CCM2: variants seen among roughly 807,000 people sequenced by gnomAD.
CCM2 encodes the protein CCM2 scaffold protein.
CCM2 carries 25 observed loss-of-function variants against 44.9 expected under a neutral mutation model. That is an observed-to-expected ratio of 0.56 (90% confidence interval 0.41 to 0.78). The LOEUF is 0.78. Among genes scored for constraint, CCM2 ranks in the 30% least tolerant of loss-of-function variants. CCM2 has a pLI of 0.00. For synonymous variants in CCM2, 219 were observed against 241.1 expected (o/e 0.91, Z 0.85); for missense variants, 481 against 580.6 (o/e 0.83, Z 1.76).
intron 1 of CCM2, among the ~76,000 whole-genome samples, chr7:45,011,380 AG>A (rs898495712): frequency 1.3e-5 from 2 of 151,834 alleles, no homozygotes; most frequent in African/African-American, 4.8e-5. Context: ...TATTTTTAGT[AG>A]AGATGGGGTT....
At position 45,002,260 on chromosome 7, in the gene CCM2, C is replaced by A. The variant is rs527897204; in HGVS notation, c.30+1897C>A. 1.6e-4 allele frequency among the ~76,000 whole-genome samples: 24 copies of A among 152,312 alleles called. No individual in the cohort carries two copies. In the South Asian group the frequency reaches 3.5e-3, roughly 22 times the overall value. On this transcript the variant is annotated intron_variant, in intron 1 of 9. Transcript: ENST00000258781. ...GTACAGTTTGGACGCTTAAATTCTT[C>A]TAAGTTAGCTTCTTCAAAAAATGCA...
At chr7:45,061,306 C>T (rs757643279) in intron 2 of CCM2, among the ~76,000 whole-genome samples, 1 of 152,202 alleles carries the variant, frequency 6.6e-6, no homozygotes, top group African/African-American at 2.4e-5. Context: ...TTTCCTCCCC[C>T]TTAGGAGAGA....
chr7:45,019,978 A>G (rs544493480), intron 1 of CCM2, among the ~76,000 whole-genome samples: 81 of 152,200 alleles, frequency 5.3e-4, no homozygotes, highest in Non-Finnish European at 1.1e-3. Flanking sequence ...ATTTGAGGGG[A>G]CCTTATACTC....
rs561838268 is a variant in CCM2, at chr7:45,050,309, A to G, written c.204+11883A>G. ...AATTACACTCTGTGATGTTCACTCAATGATGAAATTGCCTAATGACATATT... is the reference window on the plus strand; with the variant it reads ...AATTACACTCTGTGATGTTCACTCAGTGATGAAATTGCCTAATGACATATT... On this transcript the variant is annotated intron_variant, in intron 2 of 9. Transcript: ENST00000258781. Among the ~76,000 whole-genome samples, 7 of 152,344 alleles carry G rather than the reference A, an allele frequency of 4.6e-5. No individual in the cohort carries two copies. The East Asian group carries it at 1.2e-3, about 25-fold the overall frequency.
Position 45,073,632 on chromosome 7 carries a change from G to A in CCM2, c.915+61G>A. 3 of 1,209,454 alleles carry A rather than the reference G, an allele frequency of 2.5e-6. No homozygotes were observed. The South Asian group carries it at 3.7e-5, about 15-fold the overall frequency. 74.9% of individuals were successfully genotyped at this position (1,209,454 alleles called of 1,614,324 possible). On this transcript the variant is annotated intron_variant, in intron 8 of 9. Transcript: ENST00000258781. ...GGGAGGGGGTGCCCCAGGGAGGATG[G>A]GGGGAAGGGGAGGAGGAGGAGGAGC...
chr7:45,020,515 A>C (rs1403686478), intron 1 of CCM2, among the ~76,000 whole-genome samples: 1 of 152,192 alleles, frequency 6.6e-6, no homozygotes, highest in Non-Finnish European at 1.5e-5. Flanking sequence ...CATTTTGCTT[A>C]AAAAATAATG....
Position 45,010,576 on chromosome 7 carries a change from GTTTC to G in CCM2, c.30+10219_30+10222del, listed in dbSNP as rs1477166407. 1.2e-4 allele frequency among the ~76,000 whole-genome samples: 18 copies of G among 152,096 alleles called. No homozygotes were observed. The East Asian group carries it at 1.5e-3, about 13-fold the overall frequency. On this transcript the variant is annotated intron_variant, in intron 1 of 9. Coordinates refer to ENST00000258781, the MANE Select transcript of CCM2 (RefSeq NM_031443.4). ...TGTTTATTCATTTGTTGGAGATTTA[GTTTC>G]TTTCTAGTTTGTGTATATATATATA...
intron 1 of CCM2, among the ~76,000 whole-genome samples, chr7:45,023,787 GTTTTTTTTTTTTT>G (rs10596429): frequency 6.8e-4 from 40 of 58,606 alleles, no homozygotes; most frequent in Non-Finnish European, 1.0e-3. Context: ...CTCTGTATCA[GTTTTTTTTTTTTT>G]TTTTTTTTTT....
In CCM2 at chr7:45,076,189, G is replaced by T; in HGVS notation, c.*132G>T. 7.7e-7 allele frequency: 1 copy of T among 1,300,920 alleles called. No homozygotes were observed. The highest frequency in any genetic ancestry group is 1.5e-5 in the African/African-American group (1 of 68,538). 80.6% of individuals were successfully genotyped at this position (1,300,920 alleles called of 1,614,324 possible). Reference sequence around the variant, plus strand: ...AGGCGCCCGGTGCAGATGGCCCCGGGCGGCCCAGGTCCTCTACTGTGAAGG... The same window carrying T: ...AGGCGCCCGGTGCAGATGGCCCCGGTCGGCCCAGGTCCTCTACTGTGAAGG... On this transcript the variant is annotated 3_prime_UTR_variant, in exon 10 of 10. Coordinates refer to ENST00000258781, the MANE Select transcript of CCM2 (RefSeq NM_031443.4).
intron 1 of CCM2, among the ~76,000 whole-genome samples, chr7:45,020,604 A>G (rs1309652203): frequency 2.6e-5 from 4 of 152,338 alleles, no homozygotes; most frequent in African/African-American, 4.8e-5. Context: ...GCTGGGAAAC[A>G]TAAGTGCATT....
chr7:45,027,786 A>G (rs754646521), intron 1 of CCM2: 3 of 1,614,232 alleles, frequency 1.9e-6, no homozygotes, highest in Middle Eastern at 1.7e-4. Flanking sequence ...AGGGTATTCC[A>G]TGGAGAATGA....
At chr7:45,015,458 C>T (rs1390068156) in intron 1 of CCM2, among the ~76,000 whole-genome samples, 1 of 152,164 alleles carries the variant, frequency 6.6e-6, no homozygotes, top group Non-Finnish European at 1.5e-5. Context: ...TCCCCTTCCC[C>T]TTCCTGGATT....
chr7:45,044,759 A>G (rs1474634697), intron 2 of CCM2, among the ~76,000 whole-genome samples: 1 of 152,238 alleles, frequency 6.6e-6, no homozygotes, highest in Admixed American at 6.5e-5. Context: ...TATGGAGAAT[A>G]TAATTATTTC....
chr7:45,061,907 A>AC (rs1200723841), intron 2 of CCM2, among the ~76,000 whole-genome samples: 1 of 151,720 alleles, frequency 6.6e-6, no homozygotes, highest in African/African-American at 2.4e-5. Context: ...TGGTATGGGG[A>AC]CCTCCCCAGT....
intron 1 of CCM2, chr7:45,027,591 G>T: frequency 3.7e-6 from 6 of 1,601,114 alleles, no homozygotes; most frequent in Non-Finnish European, 5.1e-6. Flanking sequence ...AACAGCTTCA[G>T]TGGCTTTGCA....
chr7:45,044,374 G>A (rs926528500), intron 2 of CCM2, among the ~76,000 whole-genome samples: 4 of 152,198 alleles, frequency 2.6e-5, no homozygotes, highest in African/African-American at 9.7e-5. Flanking sequence ...CTGACCTTGT[G>A]ATCCTCCCGC....
At chr7:45,003,185 C>T (rs1795715200) in intron 1 of CCM2, among the ~76,000 whole-genome samples, 1 of 152,160 alleles carries the variant, frequency 6.6e-6, no homozygotes, top group Non-Finnish European at 1.5e-5. Context: ...AGGTGATTCT[C>T]TTGCCTCAGC....
In CCM2 at chr7:45,068,543, G is replaced by A; in HGVS notation, c.573G>A (p.Glu191=). 6.2e-7 allele frequency: 1 copy of A among 1,614,158 alleles called. No homozygotes were observed. The highest frequency in any genetic ancestry group is 8.5e-7 in the Non-Finnish European group (1 of 1,180,020). Residue 191 remains glutamate (E), a synonymous_variant, in exon 5 of 10, where the codon GAG becomes GAA. Coordinates refer to ENST00000258781, the MANE Select transcript of CCM2 (RefSeq NM_031443.4). ...SLSESAVGPV[E]ACCLVILAAE... is the part of the protein sequence containing the mutation. The stretch of plus-strand genomic sequence containing the variant: ...CGGAGAGTGCAGTTGGGCCCGTGGA[G>A]GCATGCTGCCTGGTCATCCTGGCTG...
chr7:45,002,991 T>C (rs913927926), intron 1 of CCM2, among the ~76,000 whole-genome samples: 2 of 152,242 alleles, frequency 1.3e-5, no homozygotes, highest in East Asian at 3.8e-4. Flanking sequence ...TGTCTACTTT[T>C]TAGCCTACAA....
Sources: gnomAD v4.1 joint callset for allele counts (sites outside exome capture counted in the v4.1 genomes callset) on GRCh38, gnomAD v4.1.1 for gene constraint, MANE v1.5 for transcripts, NCBI Gene and HGNC (gene_info 2026-07-23, HGNC 2026-07-21) for gene names.